Variants in GPC3 observed in about 807,000 individuals in gnomAD.
GPC3 encodes glypican-3.
In GPC3, 3 loss-of-function variants were observed where a neutral mutation model predicts 34.4. The observed-to-expected ratio is 0.09, with a 90% CI of 0.04 to 0.23. GPC3 has a LOEUF of 0.23. Among genes scored for constraint, GPC3 ranks in the 10% least tolerant of loss-of-function variants. The pLI, the probability that GPC3 is intolerant of heterozygous loss-of-function variation, is 1.00. For synonymous variants in GPC3, 177 were observed against 174.0 expected (o/e 1.02, Z -0.13); for missense variants, 351 against 445.6 (o/e 0.79, Z 1.91).
intron 2 of GPC3, among the ~76,000 whole-genome samples, chrX:133,880,572 T>C (rs2076037233): frequency 8.9e-6 from 1 of 111,920 alleles, no homozygotes; most frequent in South Asian, 3.8e-4. Context: ...TGCCCACCTA[T>C]TTAGCTTTGC....
intron 6 of GPC3, among the ~76,000 whole-genome samples, chrX:133,656,170 C>G (rs1285909123): frequency 8.9e-6 from 1 of 112,314 alleles, no homozygotes; most frequent in Non-Finnish European, 1.9e-5. Context: ...AGAATCTCAC[C>G]AACTGAGATT....
chrX:133,971,801 C>T (rs941034982), intron 1 of GPC3, among the ~76,000 whole-genome samples: 3 of 110,789 alleles, frequency 2.7e-5, no homozygotes, highest in Admixed American at 9.6e-5. Context: ...ACAGAACATC[C>T]GTTGTTCCCC....
At chrX:133,606,328 G>T (rs1213642948) in intron 6 of GPC3, among the ~76,000 whole-genome samples, 1 of 112,511 alleles carries the variant, frequency 8.9e-6, no homozygotes, top group African/African-American at 3.2e-5. Context: ...AGGAGGCATA[G>T]CATGGTGGTT....
chrX:133,674,437 T>C (rs1395204028), intron 5 of GPC3, among the ~76,000 whole-genome samples: 1 of 110,948 alleles, frequency 9.0e-6, no homozygotes, highest in Non-Finnish European at 1.9e-5. Flanking sequence ...GAAAAAGCAC[T>C]GGAACTTTCT....
rs183976416 is a variant in GPC3 at position 133,944,104 on chromosome X, G to A, written c.337+8946C>T. 3.4e-3 allele frequency among the ~76,000 whole-genome samples: 373 copies of A among 109,083 alleles called. 1 individual carries two copies. Among genetic ancestry groups the A allele is most frequent in the African/African-American group, 0.011 (323 of 29,266 alleles). 94.7% of individuals were successfully genotyped at this position (109,083 alleles called of 115,157 possible). Reference sequence around the variant, plus strand: ...AGTGTATGTATATATATATATATGTGTGTGTGTTCATTCAAACATTTACTG... The same window carrying A: ...AGTGTATGTATATATATATATATGTATGTGTGTTCATTCAAACATTTACTG... On this transcript the variant is annotated intron_variant, in intron 2 of 7. Coordinates refer to ENST00000370818, the MANE Select transcript of GPC3 (RefSeq NM_004484.4).
chrX:133,771,384 C>T (rs4830273), intron 2 of GPC3, among the ~76,000 whole-genome samples: 7,050 of 112,218 alleles, frequency 0.063, 285 homozygotes, highest in Admixed American at 0.22. Context: ...GTCGTCTGAT[C>T]CTGTTGCTTA....
At chrX:133,697,602 T>A (rs1216477936) in intron 4 of GPC3, among the ~76,000 whole-genome samples, 3 of 112,046 alleles carry the variant, frequency 2.7e-5, no homozygotes, top group African/African-American at 6.5e-5. Context: ...CCCCAATGTA[T>A]GGAAATTATT....
chrX:133,883,360 C>T (rs2076050163), intron 2 of GPC3, among the ~76,000 whole-genome samples: 1 of 111,373 alleles, frequency 9.0e-6, no homozygotes, highest in Non-Finnish European at 1.9e-5. Flanking sequence ...ATTTACAGTT[C>T]CCAGCTTAGC....
chrX:133,551,123 G>GCCCC (rs747432468), intron 7 of GPC3, among the ~76,000 whole-genome samples: 2 of 98,364 alleles, frequency 2.0e-5, no homozygotes, highest in Non-Finnish European at 4.1e-5. Context: ...CTCACAATCT[G>GCCCC]CCCCCCCCCA....
At chrX:133,946,416 G>A (rs1480630545) in intron 2 of GPC3, among the ~76,000 whole-genome samples, 1 of 111,733 alleles carries the variant, frequency 8.9e-6, no homozygotes, top group Non-Finnish European at 1.9e-5. Flanking sequence ...TCCTAGGGTT[G>A]TTATGAGGTT....
At chrX:133,858,732 C>A (rs1470905516) in intron 2 of GPC3, among the ~76,000 whole-genome samples, 1 of 111,555 alleles carries the variant, frequency 9.0e-6, no homozygotes, top group African/African-American at 3.3e-5. Flanking sequence ...GGTGGGGAAT[C>A]ATATTTTCAA....
intron 2 of GPC3, among the ~76,000 whole-genome samples, chrX:133,786,770 C>T (rs772745952): frequency 7.2e-5 from 8 of 111,017 alleles, no homozygotes; most frequent in Admixed American, 4.8e-4. Context: ...TTTTCCTTTT[C>T]GCCCAATAAA....
At chrX:133,569,441 C>T (rs1453714205) in intron 7 of GPC3, among the ~76,000 whole-genome samples, 1 of 111,281 alleles carries the variant, frequency 9.0e-6, no homozygotes, top group South Asian at 3.8e-4. Flanking sequence ...AAACCATGGT[C>T]CCAGTTCCTG....
chrX:133,562,837 G>A (rs774933052), intron 7 of GPC3, among the ~76,000 whole-genome samples: 12 of 110,818 alleles, frequency 1.1e-4, no homozygotes, highest in Non-Finnish European at 1.3e-4. Flanking sequence ...TGGAGGGACC[G>A]CATGAGAGAT....
intron 3 of GPC3, among the ~76,000 whole-genome samples, chrX:133,752,625 G>C (rs2071676851): frequency 9.0e-6 from 1 of 111,458 alleles, no homozygotes; most frequent in African/African-American, 3.3e-5. Context: ...TTGGAAGTTG[G>C]TATCTCCCGA....
Position 133,577,283 on chromosome X carries a change from C to T in GPC3, c.1573+19157G>A, listed in dbSNP as rs1326778986. On this transcript the variant is annotated intron_variant, in intron 7 of 7. Coordinates refer to ENST00000370818, the MANE Select transcript of GPC3 (RefSeq NM_004484.4). The stretch of plus-strand genomic sequence containing the variant: ...TAGCCTGTTCCTTAAAGTAATTAAG[C>T]TCCTATAATACTCAAATAAACACGG... 2.7e-5 allele frequency among the ~76,000 whole-genome samples: 3 copies of T among 112,293 alleles called. No individual in the cohort carries two copies. The Admixed American group carries it at 2.8e-4, about 11-fold the overall frequency.
intron 5 of GPC3, among the ~76,000 whole-genome samples, chrX:133,682,743 G>C (rs2070957808): frequency 1.8e-5 from 2 of 111,488 alleles, no homozygotes; most frequent in African/African-American, 6.5e-5. Flanking sequence ...AAGGAGGGCA[G>C]ATCACTTGAG....
At chrX:133,735,503 T>C (rs1363462893) in intron 3 of GPC3, among the ~76,000 whole-genome samples, 3 of 111,855 alleles carry the variant, frequency 2.7e-5, no homozygotes, top group Non-Finnish European at 5.6e-5. Flanking sequence ...TTCTATAAAA[T>C]TCTTAGAAGA....
chrX:133,843,492 C>T (rs1569443737), intron 2 of GPC3, among the ~76,000 whole-genome samples: 2 of 111,630 alleles, frequency 1.8e-5, no homozygotes, highest in Middle Eastern at 4.6e-3. Flanking sequence ...CCCAGAACCA[C>T]GCTTCCTGTA....
Sources: allele counts gnomAD v4.1 joint callset (sites outside exome capture counted in the v4.1 genomes callset), GRCh38; gene constraint gnomAD v4.1.1; transcripts MANE v1.5; gene names NCBI Gene and HGNC (gene_info 2026-07-23, HGNC 2026-07-21).